Variants in ZBTB20 observed in about 807,000 individuals in gnomAD.
ZBTB20 encodes the protein zinc finger and BTB domain-containing protein 20.
In ZBTB20, 9 loss-of-function variants were observed where a neutral mutation model predicts 56.9. The ratio of observed to expected loss-of-function variants is 0.16; its 90% CI spans 0.10 to 0.28. The LOEUF (loss-of-function observed/expected upper bound fraction) is 0.28. Among genes scored for constraint, ZBTB20 ranks in the 10% least tolerant of loss-of-function variants. ZBTB20 has a pLI of 1.00. For missense variants in ZBTB20, 655 were observed against 1,003.0 expected (o/e 0.65, Z 4.69); for synonymous variants, 417 against 420.7 (o/e 0.99, Z 0.11).
At chr3:115,063,714 G>A (rs2082101716) in intron 2 of ZBTB20, among the ~76,000 whole-genome samples, 1 of 151,284 alleles carries the variant, frequency 6.6e-6, no homozygotes, top group South Asian at 2.1e-4. Flanking sequence ...CAGTTAAATA[G>A]TACCACAAAG....
At chr3:114,936,061 T>C (rs891890885) in intron 3 of ZBTB20, among the ~76,000 whole-genome samples, 1 of 151,812 alleles carries the variant, frequency 6.6e-6, no homozygotes, top group Non-Finnish European at 1.5e-5. Flanking sequence ...ATAATTTAAA[T>C]ACCTGATAGG....
intron 5 of ZBTB20, among the ~76,000 whole-genome samples, chr3:114,734,417 T>G (rs1436291370): frequency 6.6e-6 from 1 of 152,120 alleles, no homozygotes; most frequent in Non-Finnish European, 1.5e-5. Flanking sequence ...TGCAACTACT[T>G]ATCAGTCTCA....
chr3:115,130,746 A>C (rs1423298873), intron 1 of ZBTB20, among the ~76,000 whole-genome samples: 1 of 152,138 alleles, frequency 6.6e-6, no homozygotes, highest in African/African-American at 2.4e-5. Context: ...TAATATTTTA[A>C]ATTATTTTAA....
chr3:115,058,519 A>G (rs1275720552), intron 2 of ZBTB20, among the ~76,000 whole-genome samples: 2 of 152,168 alleles, frequency 1.3e-5, no homozygotes, highest in African/African-American at 4.8e-5. Context: ...ACTTGAGGTC[A>G]GGAGTTTGAG....
chr3:115,074,401 T>C (rs1160523411), intron 1 of ZBTB20, among the ~76,000 whole-genome samples: 1 of 152,140 alleles, frequency 6.6e-6, no homozygotes, highest in East Asian at 1.9e-4. Context: ...AAGAAGCCAG[T>C]TTAGTAAGGA....
chr3:115,104,932 G>C (rs1447489204), intron 1 of ZBTB20, among the ~76,000 whole-genome samples: 1 of 152,146 alleles, frequency 6.6e-6, no homozygotes, highest in Non-Finnish European at 1.5e-5. Flanking sequence ...GGATATTGAT[G>C]ATGGGGAGGC....
chr3:114,489,485 A>G (rs2042497204), intron 7 of ZBTB20, among the ~76,000 whole-genome samples: 1 of 152,190 alleles, frequency 6.6e-6, no homozygotes, highest in Admixed American at 6.5e-5. Context: ...AGTGCTATTT[A>G]TAAAGAGTTT....
At chr3:114,436,212 G>C (rs985080109) in intron 7 of ZBTB20, among the ~76,000 whole-genome samples, 1 of 152,162 alleles carries the variant, frequency 6.6e-6, no homozygotes, top group South Asian at 2.1e-4. Context: ...TTCTTGTGCT[G>C]ACATTTTTTT....
At chr3:114,608,260 A>G (rs188950962) in intron 6 of ZBTB20, among the ~76,000 whole-genome samples, 1 of 152,350 alleles carries the variant, frequency 6.6e-6, no homozygotes, top group Admixed American at 6.5e-5. Context: ...CTTTTATATG[A>G]GTAAATTAAT....
chr3:114,909,357 A>T (rs1211930771), intron 3 of ZBTB20, among the ~76,000 whole-genome samples: 1 of 152,130 alleles, frequency 6.6e-6, no homozygotes, highest in African/African-American at 2.4e-5. Flanking sequence ...GTGAGCTTTA[A>T]ACTAAGTGTT....
intron 5 of ZBTB20, among the ~76,000 whole-genome samples, chr3:114,703,315 G>C (rs566308508): frequency 6.6e-6 from 1 of 152,226 alleles, no homozygotes; most frequent in Admixed American, 6.6e-5. Context: ...GTAGACTAAT[G>C]ACAGAAAAAG....
rs764017101 is a variant in ZBTB20, at chr3:115,146,670, G to GC, written c.-703+548dup. On this transcript the variant is annotated intron_variant, in intron 1 of 11. Coordinates refer to ENST00000675478, the MANE Select transcript of ZBTB20 (RefSeq NM_001348800.3). ...CGGCTGTGGGGCCAGGACACCTCCT[G>GC]CCCCCCAGTTCTCTGAAGACGCTCC... Among the ~76,000 whole-genome samples, 25 of 152,234 alleles carry GC rather than the reference G, an allele frequency of 1.6e-4. 1 individual carries two copies. In the South Asian group the frequency reaches 1.7e-3, roughly 10 times the overall value.
At chr3:114,917,519 G>A (rs1315297591) in intron 3 of ZBTB20, among the ~76,000 whole-genome samples, 1 of 152,052 alleles carries the variant, frequency 6.6e-6, no homozygotes, top group Non-Finnish European at 1.5e-5. Context: ...AAGCATTCTA[G>A]GTATTCAAAG....
At chr3:114,483,342 T>C (rs1441127477) in intron 7 of ZBTB20, among the ~76,000 whole-genome samples, 1 of 151,966 alleles carries the variant, frequency 6.6e-6, no homozygotes, top group African/African-American at 2.4e-5. Flanking sequence ...TTATTTACAG[T>C]GATTTTGAAA....
intron 4 of ZBTB20, among the ~76,000 whole-genome samples, chr3:114,828,277 C>T (rs1236983483): frequency 6.6e-6 from 1 of 151,568 alleles, no homozygotes; most frequent in Non-Finnish European, 1.5e-5. Context: ...CCCTTTATTG[C>T]ACATACATAT....
intron 3 of ZBTB20, among the ~76,000 whole-genome samples, chr3:114,944,793 A>C (rs1212842504): frequency 6.9e-6 from 1 of 145,378 alleles, no homozygotes; most frequent in Admixed American, 6.6e-5. Context: ...AGATACAGGG[A>C]GTAAAATGGT....
rs1196823355 is a variant in ZBTB20, at chr3:114,351,334, G to A, written c.744C>T (p.Tyr248=). Residue 248 remains tyrosine (Y), a synonymous_variant, in exon 11 of 12, where the codon TAC becomes TAT. Transcript: ENST00000675478. The part of the protein sequence containing the change: ...HSVDRIYSAL[Y]ACSMQNGSGE... ...CGCTGCCATTCTGCATGGAGCACGC[G>A]TAGAGTGCCGAGTAGATCCTGTCCA... is the stretch of plus-strand genomic sequence containing the variant. 2.5e-6 allele frequency: 4 copies of A among 1,608,842 alleles called. No homozygotes were observed. Among genetic ancestry groups the A allele is most frequent in the Non-Finnish European group, 1.7e-6 (2 of 1,179,228 alleles).
At position 114,753,361 on chromosome 3, in the gene ZBTB20, A is replaced by ACATGT. The variant is rs372723817; in HGVS notation, c.-343+47739_-343+47740insACATG. Among the ~76,000 whole-genome samples the ACATGT allele has an allele frequency of 6.9e-5, 10 of 144,884 alleles. 3 individuals carry two copies. In the East Asian group the frequency reaches 1.6e-3, roughly 23 times the overall value. On this transcript the variant is annotated intron_variant, in intron 5 of 11. Transcript: ENST00000675478. ...ATGTATATATGTATACATTATATAT[A>ACATGT]ATGTATATATAATGTATATACACAT... is the stretch of plus-strand genomic sequence containing the variant.
chr3:114,781,919 G>A (rs1485957072), intron 5 of ZBTB20, among the ~76,000 whole-genome samples: 1 of 152,194 alleles, frequency 6.6e-6, no homozygotes, highest in Non-Finnish European at 1.5e-5. Flanking sequence ...GGTCTACCCA[G>A]CCACGTGAAA....
Sources: gnomAD v4.1 joint callset for allele counts (sites outside exome capture counted in the v4.1 genomes callset) on GRCh38, gnomAD v4.1.1 for gene constraint, MANE v1.5 for transcripts, NCBI Gene and HGNC (gene_info 2026-07-23, HGNC 2026-07-21) for gene names.